The following FIRRM variants were observed in gnomAD, a reference collection of about 807,000 sequenced individuals.
FIRRM encodes the protein FIGNL1-interacting regulator of recombination and mitosis.
At chr1:169,800,884 A>C in the FIRRM span, 1 of 1,533,894 alleles carries the variant, frequency 6.5e-7, no homozygotes, top group Non-Finnish European at 8.9e-7. Context: ...GCTTTACAGA[A>C]ATTTTGAAAA....
At chr1:169,829,999 A>G in the FIRRM span, among the ~76,000 whole-genome samples, 13 of 152,158 alleles carry the variant, frequency 8.5e-5, no homozygotes, top group Non-Finnish European at 1.5e-4. Flanking sequence ...ATCTTTGTGG[A>G]TCCTAGTGAC....
chr1:169,800,221 T>C, the FIRRM span, among the ~76,000 whole-genome samples: 3 of 152,084 alleles, frequency 2.0e-5, no homozygotes, highest in African/African-American at 7.2e-5. Flanking sequence ...ATATATTTAT[T>C]TTTTGGTAGA....
At chr1:169,804,205 T>C in the FIRRM span, 1 of 1,581,084 alleles carries the variant, frequency 6.3e-7, no homozygotes, top group Non-Finnish European at 8.6e-7. Context: ...GACCCTTTAG[T>C]AGATGACAAT....
the FIRRM span, among the ~76,000 whole-genome samples, chr1:169,823,859 C>T: frequency 4.6e-5 from 7 of 152,136 alleles, no homozygotes; most frequent in South Asian, 1.5e-3. Flanking sequence ...TGATACCTTT[C>T]TGTAATTCAC....
the FIRRM span, among the ~76,000 whole-genome samples, chr1:169,838,459 C>A: frequency 3.9e-4 from 60 of 151,938 alleles, no homozygotes; most frequent in Admixed American, 2.3e-3. Flanking sequence ...GTTCAACATA[C>A]GTCTTTTATT....
chr1:169,794,139 A>G, the FIRRM span, among the ~76,000 whole-genome samples: 3 of 152,024 alleles, frequency 2.0e-5, no homozygotes, highest in African/African-American at 7.3e-5. Flanking sequence ...AACAACAGCA[A>G]CCACCACCAC....
At chr1:169,837,705 A>T in the FIRRM span, among the ~76,000 whole-genome samples, 1 of 152,188 alleles carries the variant, frequency 6.6e-6, no homozygotes, top group Non-Finnish European at 1.5e-5. Context: ...TACATCGGGA[A>T]CCAAAAATTT....
the FIRRM span, chr1:169,827,298 A>G: frequency 1.9e-6 from 2 of 1,029,306 alleles, no homozygotes; most frequent in Non-Finnish European, 2.8e-6. Flanking sequence ...AGAAATTTTT[A>G]TTAAGTTTCT....
chr1:169,805,273 C>T, the FIRRM span, among the ~76,000 whole-genome samples: 1 of 152,222 alleles, frequency 6.6e-6, no homozygotes, highest in South Asian at 2.1e-4. Context: ...ACCTGGGGCA[C>T]TAGCTCACCC....
chr1:169,802,659 C>G, the FIRRM span: 1 of 1,612,438 alleles, frequency 6.2e-7, no homozygotes, highest in Admixed American at 1.7e-5. Flanking sequence ...ATGAATTAAC[C>G]AGTCAAGCCA....
At chr1:169,802,595 G>T in the FIRRM span, 1 of 1,462,474 alleles carries the variant, frequency 6.8e-7, no homozygotes, top group East Asian at 2.3e-5. Flanking sequence ...TCTTATTCCT[G>T]TTTATTACTT....
At chr1:169,825,924 G>T in the FIRRM span, among the ~76,000 whole-genome samples, 8 of 152,198 alleles carry the variant, frequency 5.3e-5, no homozygotes, top group Non-Finnish European at 1.0e-4. Context: ...TTGAAGTTCA[G>T]TTTAAAATCC....
At chr1:169,814,368 G>C in the FIRRM span, among the ~76,000 whole-genome samples, 8 of 152,092 alleles carry the variant, frequency 5.3e-5, no homozygotes, top group Admixed American at 5.2e-4. Context: ...GTACTATTAG[G>C]TTGTGCCAAA....
chr1:169,795,890 G>A, the FIRRM span: 220 of 985,278 alleles, frequency 2.2e-4, no homozygotes, highest in Non-Finnish European at 2.6e-4. Context: ...TGGATTTGAG[G>A]CGCTTAGCGC....
At chr1:169,843,697 A>G in the FIRRM span, 1 of 1,612,964 alleles carries the variant, frequency 6.2e-7, no homozygotes, top group Non-Finnish European at 8.5e-7. Context: ...CTTATGTTCA[A>G]CAGACATTCA....
chr1:169,829,580 C>A, the FIRRM span: 1 of 815,754 alleles, frequency 1.2e-6, no homozygotes, highest in East Asian at 2.9e-5. Context: ...TTAGTTGTGT[C>A]CTAGAAAATG....
At chr1:169,795,583 C>T in the FIRRM span, 2 of 1,030,718 alleles carry the variant, frequency 1.9e-6, no homozygotes, top group Non-Finnish European at 2.3e-6. Context: ...TGCGGTATGA[C>T]GATAGCTCTG....
At chr1:169,810,955 G>A in the FIRRM span, among the ~76,000 whole-genome samples, 1 of 146,034 alleles carries the variant, frequency 6.8e-6, no homozygotes, top group Non-Finnish European at 1.5e-5. Flanking sequence ...CGCTTCCCGG[G>A]TTCACGCCAT....
At chr1:169,853,166 T>G in the FIRRM span, 11 of 646,722 alleles carry the variant, frequency 1.7e-5, 1 homozygote, top group Admixed American at 5.8e-5. Context: ...TTTGGTACAA[T>G]GTACTACATG....
Sources: gnomAD v4.1 joint callset for allele counts (sites outside exome capture counted in the v4.1 genomes callset) on GRCh38, gnomAD v4.1.1 for gene constraint, MANE v1.5 for transcripts, NCBI Gene and HGNC (gene_info 2026-07-23, HGNC 2026-07-21) for gene names.